The following BOP1 variants were observed in gnomAD, a reference collection of about 807,000 sequenced individuals.
BOP1 encodes ribosome biogenesis protein BOP1.
Under a neutral mutation model 82.9 loss-of-function variants are expected in BOP1, and 54 were observed. The ratio of observed to expected loss-of-function variants is 0.65; its 90% CI spans 0.52 to 0.82. BOP1 has a LOEUF of 0.82. Ranked by LOEUF, BOP1 falls within the 40% of genes least tolerant of loss-of-function variation. BOP1 has a pLI of 0.00. For synonymous variants in BOP1, 566 were observed against 451.1 expected, an observed-to-expected ratio of 1.25 and a Z score of -3.23; for missense variants, 1,170 against 1,072.0, an observed-to-expected ratio of 1.09 and a Z score of -1.28.
At position 144,264,783 on chromosome 8, in the gene BOP1, A is replaced by G. The variant is rs1845317902; in HGVS notation, c.594T>C (p.Asp198=). ...PMTGRDLRLT[D]EQVALVRRLQ... is the part of the protein sequence containing the mutation. ...GCCGCCGCACCAGGGCCACCTGCTC[A>G]TCCGTCAGTCTCAGGTCCCGCCCTG... is the stretch of plus-strand genomic sequence containing the variant. Residue 198 remains aspartate (D), a synonymous_variant, in exon 5 of 16, where the codon GAT becomes GAC. Transcript: ENST00000569669. The G allele has an allele frequency of 1.2e-6, 2 of 1,608,252 alleles. No individual in the cohort carries two copies. The highest frequency in any genetic ancestry group is 4.5e-5 in the East Asian group (2 of 44,660).
At position 144,263,622 on chromosome 8, in the gene BOP1, A is replaced by C. The variant is rs1845287324; in HGVS notation, c.1292-12T>G. 6.2e-7 allele frequency: 1 copy of C among 1,608,862 alleles called. No homozygotes were observed. The highest frequency in any genetic ancestry group is 1.7e-5 in the Admixed American group (1 of 59,900). ...GCCGTCGTCAGAGCCTGGATGCGGCAGAGACAGCTCTCAACACCTGGCCAT... is the reference window on the plus strand; with the variant it reads ...GCCGTCGTCAGAGCCTGGATGCGGCCGAGACAGCTCTCAACACCTGGCCAT... On this transcript the variant is annotated splice_polypyrimidine_tract_variant and intron_variant, in intron 10 of 15. Coordinates refer to ENST00000569669, the MANE Select transcript of BOP1 (RefSeq NM_015201.5).
chr8:144,286,022 C>CG (rs1814858088), intron 2 of BOP1, among the ~76,000 whole-genome samples: 1 of 152,210 alleles, frequency 6.6e-6, no homozygotes. Context: ...ACTGGGCTGC[C>CG]GGCTGAGTTT....
intron 2 of BOP1, among the ~76,000 whole-genome samples, chr8:144,288,192 C>T (rs1228954314): frequency 6.6e-6 from 1 of 151,722 alleles, no homozygotes; most frequent in Non-Finnish European, 1.5e-5. Flanking sequence ...ATTGTTTGAA[C>T]CCAGGAGGTG....
intron 2 of BOP1, among the ~76,000 whole-genome samples, chr8:144,285,496 G>A (rs1814842239): frequency 6.6e-6 from 1 of 152,180 alleles, no homozygotes; most frequent in African/African-American, 2.4e-5. Flanking sequence ...GTCCTTCAGG[G>A]GCTGCCAGGC....
chr8:144,262,906 T>G lies in BOP1; in HGVS notation c.1841A>C (p.Lys614Thr). The G allele has an allele frequency of 6.5e-7, 1 of 1,543,042 alleles. No homozygotes were observed. Among genetic ancestry groups the G allele is most frequent in the Non-Finnish European group, 8.7e-7 (1 of 1,151,046 alleles). ...CCACTTGCAGTTGGGCATCAGCTTC[T>G]TGGTGAGCTCCTGGCGCAGCAGGTG... ...LYHLLRQELT[K>T]KLMPNCKWVS... Residue 614 changes from lysine (K) to threonine (T), a missense_variant, in exon 13 of 16, where the codon AAG becomes ACG. By Grantham distance (78) the Lys-to-Thr change is moderately conservative. Coordinates refer to ENST00000569669, the MANE Select transcript of BOP1 (RefSeq NM_015201.5).
In BOP1 at chr8:144,278,079, C is replaced by T. The variant is rs959261368; in HGVS notation, c.310-1775G>A. Among the ~76,000 whole-genome samples, 34 of 152,224 alleles carry T rather than the reference C, an allele frequency of 2.2e-4. 1 individual carries two copies. The highest frequency in any genetic ancestry group is 6.0e-4 in the African/African-American group (25 of 41,462). The stretch of plus-strand genomic sequence containing the variant: ...GGTCTCCAGCACCACCCGCAGTGTG[C>T]GTGGCCTGACTGAGGAGGGGTCGGG... On this transcript the variant is annotated intron_variant, in intron 2 of 15. Coordinates refer to ENST00000569669, the MANE Select transcript of BOP1 (RefSeq NM_015201.5).
At chr8:144,266,729 CCT>C in intron 3 of BOP1, 1 of 1,136,538 alleles carries the variant, frequency 8.8e-7, no homozygotes, top group Non-Finnish European at 1.1e-6. Flanking sequence ...GACGAGAAAC[CCT>C]GTCGCGTGCA....
chr8:144,281,453 A>C (rs368314336), intron 2 of BOP1, among the ~76,000 whole-genome samples: 8 of 1,844 alleles, frequency 4.3e-3, no homozygotes, highest in Admixed American at 0.014. Flanking sequence ...CTCTCAGTTT[A>C]ATACCAGGTC....
chr8:144,290,881 T>C (rs915237920), intron 1 of BOP1, among the ~76,000 whole-genome samples: 2 of 152,120 alleles, frequency 1.3e-5, no homozygotes, highest in Non-Finnish European at 2.9e-5. Context: ...AGACACTGGG[T>C]TCTATTCAGG....
Position 144,264,609 on chromosome 8 carries a change from A to T in BOP1, c.671T>A (p.Val224Asp). The T allele has an allele frequency of 6.3e-7, 1 of 1,598,950 alleles. No homozygotes were observed. Among genetic ancestry groups the T allele is most frequent in the Non-Finnish European group, 8.5e-7 (1 of 1,172,832 alleles). Residue 224 changes from valine to aspartate, a missense_variant, in exon 6 of 16, where the codon GTC (valine) becomes GAC (aspartate). By Grantham distance (152) the Val-to-Asp change is radical. Coordinates refer to ENST00000569669, the MANE Select transcript of BOP1 (RefSeq NM_015201.5). Reference sequence around the variant, plus strand: ...CATGACGTCCCCGCTGAAGAAGTCGACAGCCGGCTGGGGGAGAAGATGTGG... The same window carrying T: ...CATGACGTCCCCGCTGAAGAAGTCGTCAGCCGGCTGGGGGAGAAGATGTGG... The part of the protein sequence containing the change: ...DVGFNPYEPA[V>D]DFFSGDVMIH...
At position 144,276,288 on chromosome 8, in the gene BOP1, G is replaced by A. The variant is rs908179759; in HGVS notation, c.326C>T (p.Pro109Leu). ...CCGGGCGCTCGCCATCTCTGTCCTC[G>A]GGCAAGGAGTGCTGGCCTGCAGAGA... ...EEQVQASTPC[P>L]RTEMASARIG... The change falls in exon 3 of 16, where the codon CCG becomes CTG. Residue 109 changes from proline to leucine, a missense_variant. Transcript: ENST00000569669. The A allele has an allele frequency of 1.5e-5, 25 of 1,613,322 alleles. No homozygotes were observed. Among genetic ancestry groups the A allele is most frequent in the South Asian group, 8.8e-5 (8 of 91,078 alleles).
chr8:144,266,908 C>T, intron 3 of BOP1: 2 of 1,544,372 alleles, frequency 1.3e-6, no homozygotes, highest in East Asian at 2.5e-5. Context: ...CACGGCGCTG[C>T]GCACGCTGAT....
At chr8:144,290,490 TCA>T (rs1396262753) in intron 1 of BOP1, among the ~76,000 whole-genome samples, 1 of 152,222 alleles carries the variant, frequency 6.6e-6, no homozygotes. Flanking sequence ...TACCGAGTGT[TCA>T]CACAATGCCT....
intron 2 of BOP1, among the ~76,000 whole-genome samples, chr8:144,286,759 C>T (rs550142006): frequency 3.7e-3 from 565 of 152,330 alleles, no homozygotes; most frequent in African/African-American, 0.013. Flanking sequence ...CCACCTCAGG[C>T]CCTGCTGGAT....
intron 2 of BOP1, among the ~76,000 whole-genome samples, chr8:144,278,987 G>A (rs2130246347): frequency 6.6e-6 from 1 of 152,360 alleles, no homozygotes; most frequent in Middle Eastern, 3.4e-3. Flanking sequence ...GAGCCCAAGA[G>A]TGGCAGGGTC....
chr8:144,287,491 C>T (rs1554839599), intron 2 of BOP1, among the ~76,000 whole-genome samples: 1 of 151,848 alleles, frequency 6.6e-6, no homozygotes, highest in East Asian at 1.9e-4. Flanking sequence ...CATTATTTTC[C>T]AGGATGTTTT....
In BOP1 at chr8:144,262,682, A is replaced by C. The variant is rs1388861797; in HGVS notation, c.1895-10T>G. The C allele has an allele frequency of 6.2e-7, 1 of 1,612,624 alleles. No homozygotes were observed. The highest frequency in any genetic ancestry group is 8.5e-7 in the Non-Finnish European group (1 of 1,179,736). On this transcript the variant is annotated splice_polypyrimidine_tract_variant and intron_variant, in intron 13 of 15. Transcript: ENST00000569669. ...CAGATGACGTTGTCACCTAGGGCCA[A>C]AGGCTGTGATGCAGGTGTTCCCGCT...
Position 144,262,634 on chromosome 8 carries a change from C to G in BOP1, c.1933G>C (p.Val645Leu). The change falls in exon 14 of 16, where the codon GTG (valine) becomes CTG (leucine). Residue 645 changes from valine (V) to leucine (L), a missense_variant. Val to Leu is a conservative substitution (Grantham distance 32, BLOSUM62 1). Coordinates refer to ENST00000569669, the MANE Select transcript of BOP1 (RefSeq NM_015201.5). ...VICGSYDSKL[V>L]WFDLDLSTKP... ...GTGGAAAGATCCAGGTCAAACCACACCAGCTTGCTATCGTAGCTCCCACAG... is the reference window on the plus strand; with the variant it reads ...GTGGAAAGATCCAGGTCAAACCACAGCAGCTTGCTATCGTAGCTCCCACAG... The G allele has an allele frequency of 1.2e-6, 2 of 1,613,474 alleles. No homozygotes were observed. The highest frequency in any genetic ancestry group is 4.5e-5 in the East Asian group (2 of 44,876).
chr8:144,266,411 G>A, intron 3 of BOP1: 9 of 744,616 alleles, frequency 1.2e-5, no homozygotes, highest in Non-Finnish European at 1.3e-5. Context: ...CGGGGGAGGG[G>A]CCGGGACGCC....
Sources: gnomAD v4.1 joint callset for allele counts (sites outside exome capture counted in the v4.1 genomes callset) on GRCh38, gnomAD v4.1.1 for gene constraint, MANE v1.5 for transcripts, NCBI Gene and HGNC (gene_info 2026-07-23, HGNC 2026-07-21) for gene names.